Variants in LAMA3 observed in about 807,000 individuals in gnomAD.
LAMA3 encodes laminin subunit alpha-3.
Under a neutral mutation model 402.0 loss-of-function variants are expected in LAMA3, and 281 were observed. The observed-to-expected ratio is 0.70, with a 90% CI of 0.63 to 0.77. The LOEUF (loss-of-function observed/expected upper bound fraction) is 0.77, where lower values mean the gene tolerates loss of function less well. LAMA3 is among the 30% of genes least tolerant of loss of function. The pLI is 0.00. For missense variants in LAMA3, 3,840 were observed against 4,215.5 expected, an observed-to-expected ratio of 0.91 and a Z score of 2.47; for synonymous variants, 1,431 against 1,558.4, an observed-to-expected ratio of 0.92 and a Z score of 1.93.
rs187200381 is a variant in LAMA3, at chr18:23,879,343, C to T, written c.5113-2593C>T. On this transcript the variant is annotated intron_variant, in intron 39 of 74. Transcript: ENST00000313654. The surrounding 1 kb of genome is among the most constrained non-coding windows in gnomAD (Gnocchi z 4.2). Reference sequence around the variant, plus strand: ...GCTATTGTGAGACTGAGGTTCTGCACGCTGTGTCCCCTGTGCCTGGAATGC... The same window carrying T: ...GCTATTGTGAGACTGAGGTTCTGCATGCTGTGTCCCCTGTGCCTGGAATGC... 4.6e-5 allele frequency among the ~76,000 whole-genome samples: 7 copies of T among 152,304 alleles called. No individual in the cohort carries two copies. The highest frequency in any genetic ancestry group is 2.0e-4 in the Admixed American group (3 of 15,298).
Position 23,898,851 on chromosome 18 carries a change from A to G in LAMA3, c.5724+3A>G. The G allele has an allele frequency of 1.9e-6, 3 of 1,584,058 alleles. No individual in the cohort carries two copies. The highest frequency in any genetic ancestry group is 3.3e-5 in the Admixed American group (2 of 59,956). On this transcript the variant is annotated splice_donor_region_variant and intron_variant, in intron 45 of 74. Transcript: ENST00000313654. ...AATTTGAGACTTTGCAAGAAAAGGTAATGTGTTAGGTCCATTTAACTTTGG... is the reference window on the plus strand; with the variant it reads ...AATTTGAGACTTTGCAAGAAAAGGTGATGTGTTAGGTCCATTTAACTTTGG...
chr18:23,827,192 T>C (rs980279034), intron 22 of LAMA3, 122 bp from the exon 23 acceptor site: 34 of 1,053,728 alleles, frequency 3.2e-5, no homozygotes, highest in Admixed American at 3.2e-4. Context: ...TAAGAGTTTA[T>C]TGAAGGATGA....
At chr18:23,853,423 AC>A (rs890753226) in intron 32 of LAMA3, among the ~76,000 whole-genome samples, 39 of 152,028 alleles carry the variant, frequency 2.6e-4, no homozygotes, top group African/African-American at 8.9e-4. Flanking sequence ...ACAGGCATGC[AC>A]CACCACACCC....
rs1365654798 is a variant in LAMA3 at position 23,839,782 on chromosome 18, C to T, written c.3192-3C>T. 16 of 1,613,964 alleles carry T rather than the reference C, an allele frequency of 9.9e-6. No homozygotes were observed. The highest frequency in any genetic ancestry group is 1.2e-5 in the Non-Finnish European group (14 of 1,179,940). On this transcript the variant is annotated splice_region_variant and splice_polypyrimidine_tract_variant and intron_variant, in intron 26 of 74. Coordinates refer to ENST00000313654, the MANE Select transcript of LAMA3 (RefSeq NM_198129.4). The surrounding 1 kb of genome is among the most constrained non-coding windows in gnomAD (Gnocchi z 4.5). ...TCAGATTTTTAAATATTCTATTTTTCAGTGCCACCTGTGTCTCCTTGGCCC... is the reference window on the plus strand; with the variant it reads ...TCAGATTTTTAAATATTCTATTTTTTAGTGCCACCTGTGTCTCCTTGGCCC...
intron 47 of LAMA3, among the ~76,000 whole-genome samples, chr18:23,900,742 A>G (rs1326280342): frequency 2.0e-5 from 3 of 152,198 alleles, no homozygotes; most frequent in Non-Finnish European, 4.4e-5. Flanking sequence ...TTCAAATTTA[A>G]TATGAGTCTT....
intron 41 of LAMA3, among the ~76,000 whole-genome samples, chr18:23,887,804 AC>A (rs2080490503): frequency 6.6e-6 from 1 of 152,222 alleles, no homozygotes; most frequent in Admixed American, 6.5e-5. Context: ...TCCCTCAGAC[AC>A]ACAGGGCCAC....
chr18:23,825,933 C>A (rs2063373967), intron 21 of LAMA3, among the ~76,000 whole-genome samples: 1 of 152,060 alleles, frequency 6.6e-6, no homozygotes, highest in Admixed American at 6.6e-5. Flanking sequence ...GAACAGTAAC[C>A]CTTTTAAAAT....
In LAMA3 at chr18:23,898,461, A is replaced by G. The variant is rs534587412; in HGVS notation, c.5614-277A>G. ...TCTGGAAATTAATCAGGTAAGTAGTATCACCCTCATTTCTATAAGGTTAGG... is the reference window on the plus strand; with the variant it reads ...TCTGGAAATTAATCAGGTAAGTAGTGTCACCCTCATTTCTATAAGGTTAGG... On this transcript the variant is annotated intron_variant, in intron 44 of 74. Transcript: ENST00000313654. 121 of 460,676 alleles carry G rather than the reference A, an allele frequency of 2.6e-4. 2 individuals carry two copies. The South Asian group carries it at 3.0e-3, about 11-fold the overall frequency. 28.5% of individuals were successfully genotyped at this position (460,676 alleles called of 1,614,324 possible).
intron 1 of LAMA3, among the ~76,000 whole-genome samples, chr18:23,698,792 GATA>G (rs2060735263): frequency 6.6e-6 from 1 of 152,214 alleles, no homozygotes; most frequent in African/African-American, 2.4e-5. Context: ...AGGGGATGGT[GATA>G]TAAGGGGCTG....
chr18:23,824,370 A>T (rs1941521), intron 20 of LAMA3, 53 bp from the exon 21 acceptor site: 1 of 1,594,018 alleles, frequency 6.3e-7, no homozygotes, highest in Non-Finnish European at 8.6e-7. Flanking sequence ...ATCTAAAATC[A>T]TAACACTGAC....
intron 67 of LAMA3, among the ~76,000 whole-genome samples, chr18:23,934,249 A>G (rs2082248376): frequency 6.6e-6 from 1 of 152,060 alleles, no homozygotes; most frequent in African/African-American, 2.4e-5. Context: ...ATGTTTTTCT[A>G]TAGAATATAA....
Position 23,847,675 on chromosome 18 carries a change from T to TG in LAMA3, c.4136+12dup, listed in dbSNP as rs755295600. On this transcript the variant is annotated splice_region_variant and intron_variant, in intron 32 of 74. Transcript: ENST00000313654. Reference sequence around the variant, plus strand: ...GGGACAGCGGGCAGTGCAGGTGAGCTGGGGGAGTAGCCTGTCTGCTTCTGT... The same window carrying TG: ...GGGACAGCGGGCAGTGCAGGTGAGCTGGGGGGAGTAGCCTGTCTGCTTCTGT... The TG allele has an allele frequency of 3.7e-5, 60 of 1,611,514 alleles. No individual in the cohort carries two copies. The African/African-American group carries it at 7.3e-4, about 20-fold the overall frequency.
intron 12 of LAMA3, among the ~76,000 whole-genome samples, chr18:23,798,380 G>C (rs2062807252): frequency 1.3e-5 from 2 of 152,120 alleles, no homozygotes. Context: ...TGTGGTATCC[G>C]GTCTTTCTTT....
In LAMA3 at chr18:23,822,349, G is replaced by T. The variant is rs371216118; in HGVS notation, c.2402G>T (p.Gly801Val). 5.6e-6 allele frequency: 9 copies of T among 1,613,858 alleles called. No individual in the cohort carries two copies. In the East Asian group the frequency reaches 1.1e-4, roughly 20 times the overall value. ...AACCCTGGAACTGAAGCAGTATCTG[G>T]CCATATAACTATTTATCCATCCTGG... Reference protein sequence around the residue: ...YVNPGTEAVSGHITIYPSWGA... With the variant: ...YVNPGTEAVSVHITIYPSWGA... The change falls in exon 20 of 75, where the codon GGC (glycine) becomes GTC (valine). Residue 801 changes from glycine to valine, a missense_variant. This residue lies in a region of LAMA3 where 2,109 missense variants were observed against 2,376.0 expected (regional missense o/e 0.89). Transcript: ENST00000313654.
At chr18:23,912,140 T>TC (rs1295828928) in intron 55 of LAMA3, among the ~76,000 whole-genome samples, 2 of 22,776 alleles carry the variant, frequency 8.8e-5, no homozygotes, top group Non-Finnish European at 2.3e-3. Flanking sequence ...ATATATATAG[T>TC]TTTTTTTTTT....
At chr18:23,941,771 A>G (rs1487266952) in intron 68 of LAMA3, among the ~76,000 whole-genome samples, 2 of 152,176 alleles carry the variant, frequency 1.3e-5, no homozygotes, top group African/African-American at 4.8e-5. Flanking sequence ...TTTGGGTGTT[A>G]GTCAGTTAGT....
At position 23,763,468 on chromosome 18, in the gene LAMA3, C is replaced by T. The variant is rs146749247; in HGVS notation, c.1127C>T (p.Ala376Val). ...GATCCAGATGTTGAGCGGCAGCAGGCAAGCTTGAATACCCAGGGCATCTAT... is the reference window on the plus strand; with the variant it reads ...GATCCAGATGTTGAGCGGCAGCAGGTAAGCTTGAATACCCAGGGCATCTAT... ...YYDPDVERQQ[A>V]SLNTQGIYAG... Residue 376 changes from alanine to valine, a missense_variant, in exon 8 of 75, where the codon GCA becomes GTA. By Grantham distance (64) the Ala-to-Val change is moderately conservative. Coordinates refer to ENST00000313654, the MANE Select transcript of LAMA3 (RefSeq NM_198129.4). 107 of 1,613,990 alleles carry T rather than the reference C, an allele frequency of 6.6e-5. No individual in the cohort carries two copies. The East Asian group carries it at 2.3e-3, about 35-fold the overall frequency.
chr18:23,815,560 CT>C lies in LAMA3; in HGVS notation c.2037del (p.Phe679LeufsTer51), dbSNP rs1346659241. On this transcript the variant is annotated frameshift_variant, in exon 17 of 75. Transcript: ENST00000313654. LOFTEE classifies it high-confidence loss of function. ...ATTTTGCTTTGGAAAAGAGCAATTA[CT>C]TTGGGTGTCAAGGTAAATAAGTCCA... ...GYFALEKSNY[F>X]GCQGCQCDIG... 6 of 1,612,926 alleles carry C rather than the reference CT, an allele frequency of 3.7e-6. No individual in the cohort carries two copies. The highest frequency in any genetic ancestry group is 5.1e-6 in the Non-Finnish European group (6 of 1,179,010).
intron 33 of LAMA3, 73 bp downstream of exon 33, chr18:23,858,061 G>A (rs556707916): frequency 6.4e-7 from 1 of 1,567,598 alleles, no homozygotes; most frequent in African/African-American, 1.3e-5. Flanking sequence ...AGTCAACATA[G>A]AAAAGTATGT....
Sources: gnomAD v4.1 joint callset for allele counts (sites outside exome capture counted in the v4.1 genomes callset) on GRCh38, gnomAD v4.1.1 for gene constraint, gnomAD v4.1.1 regional missense constraint, Gnocchi (gnomAD v3.1) non-coding constraint, MANE v1.5 for transcripts, NCBI Gene and HGNC (gene_info 2026-07-23, HGNC 2026-07-21) for gene names.